TTC17: variants seen among roughly 807,000 people sequenced by gnomAD.
The protein encoded by TTC17 is tetratricopeptide repeat protein 17.
Under a neutral mutation model 143.8 loss-of-function variants are expected in TTC17, and 58 were observed. That is an observed-to-expected ratio of 0.40 (90% CI 0.33 to 0.50). The LOEUF is 0.50. Among genes scored for constraint, TTC17 ranks in the 20% least tolerant of loss-of-function variants. The probability of loss-of-function intolerance (pLI) is 0.49; values close to 1 mark genes in which losing one functional copy is unlikely to be tolerated. For synonymous variants in TTC17, 501 were observed against 497.8 expected (o/e 1.01, Z -0.09); for missense variants, 1,273 against 1,392.5 (o/e 0.91, Z 1.37).
At chr11:43,425,419 G>A (rs1349958007) in intron 16 of TTC17, among the ~76,000 whole-genome samples, 4 of 152,012 alleles carry the variant, frequency 2.6e-5, no homozygotes, top group African/African-American at 9.7e-5. Flanking sequence ...TAAGTGATTT[G>A]TGCCTCAGAA....
chr11:43,362,775 A>G (rs1040707430), intron 1 of TTC17, among the ~76,000 whole-genome samples: 2 of 152,112 alleles, frequency 1.3e-5, no homozygotes, highest in African/African-American at 4.8e-5. Context: ...TGCATTTCAC[A>G]ATCCCTGCCT....
intron 21 of TTC17, among the ~76,000 whole-genome samples, chr11:43,489,316 A>G (rs1307404759): frequency 1.3e-5 from 2 of 152,230 alleles, no homozygotes; most frequent in African/African-American, 4.8e-5. Context: ...CTCATAAGAA[A>G]GGAAATGCAG....
intron 21 of TTC17, among the ~76,000 whole-genome samples, chr11:43,471,069 C>T (rs1232249576): frequency 1.3e-5 from 2 of 152,140 alleles, no homozygotes; most frequent in African/African-American, 4.8e-5. Flanking sequence ...TGGCATTAAC[C>T]AGACTCTATT....
At chr11:43,363,417 A>G (rs777680005) in intron 1 of TTC17, among the ~76,000 whole-genome samples, 1 of 152,216 alleles carries the variant, frequency 6.6e-6, no homozygotes, top group African/African-American at 2.4e-5. Flanking sequence ...GCTAACAGAG[A>G]AACTCTTGAA....
At chr11:43,460,179 A>C (rs1478933095) in intron 21 of TTC17, among the ~76,000 whole-genome samples, 1 of 152,020 alleles carries the variant, frequency 6.6e-6, no homozygotes, top group Non-Finnish European at 1.5e-5. Flanking sequence ...GTAACCCTGC[A>C]AGTCCCAGGT....
chr11:43,400,365 G>T (rs1029226648), intron 9 of TTC17, among the ~76,000 whole-genome samples: 1 of 152,102 alleles, frequency 6.6e-6, no homozygotes, highest in Non-Finnish European at 1.5e-5. Flanking sequence ...GTCTCCTGGA[G>T]ATCTTGTTGA....
At chr11:43,436,307 AG>A in intron 16 of TTC17, 1 of 1,310,764 alleles carries the variant, frequency 7.6e-7, no homozygotes. Flanking sequence ...GAATTCAGGG[AG>A]GGACTCAGAT....
At chr11:43,418,969 CTTTATT>C (rs1946839744) in intron 16 of TTC17, among the ~76,000 whole-genome samples, 5 of 152,174 alleles carry the variant, frequency 3.3e-5, no homozygotes, top group South Asian at 4.1e-4. Context: ...TTCGATTTTA[CTTTATT>C]TTTAATGGTC....
At chr11:43,451,573 A>G (rs1255425447) in intron 21 of TTC17, among the ~76,000 whole-genome samples, 1 of 152,200 alleles carries the variant, frequency 6.6e-6, no homozygotes, top group Non-Finnish European at 1.5e-5. Flanking sequence ...TATATGAAAT[A>G]AGTCAGATAT....
At chr11:43,401,586 T>G (rs1857858678) in intron 10 of TTC17, 28 bp downstream of exon 10, 1 of 1,467,920 alleles carries the variant, frequency 6.8e-7, no homozygotes, top group Non-Finnish European at 9.3e-7. Context: ...GTCTAATTCT[T>G]ATAAACGTTT....
In TTC17 at chr11:43,368,331, G is replaced by A. The variant is rs1234204819; in HGVS notation, c.159+9218G>A. ...AGACTCATATATCCAACTGCCTACT[G>A]AACATCACCATTTAGTTGTCATCAC... On this transcript the variant is annotated intron_variant, in intron 1 of 23. Transcript: ENST00000039989. Among the ~76,000 whole-genome samples, 6 of 152,066 alleles carry A rather than the reference G, an allele frequency of 3.9e-5. 1 individual carries two copies. The highest frequency in any genetic ancestry group is 8.8e-5 in the Non-Finnish European group (6 of 68,024).
chr11:43,359,032 C>A lies in TTC17; in HGVS notation c.78C>A (p.Ser26=). 1 of 1,591,232 alleles carries A rather than the reference C, an allele frequency of 6.3e-7. No individual in the cohort carries two copies. The change falls in exon 1 of 24, where the codon TCC becomes TCA. Residue 26 remains serine, a synonymous_variant. Transcript: ENST00000039989. ...GCCCAGGCTGGCTCCTCAGCCTTTCCGCCTTGCTGAGTGTGGCGGCACGAG... is the reference window on the plus strand; with the variant it reads ...GCCCAGGCTGGCTCCTCAGCCTTTCAGCCTTGCTGAGTGTGGCGGCACGAG... ...CSGPGWLLSL[S]ALLSVAARGA...
intron 15 of TTC17, among the ~76,000 whole-genome samples, chr11:43,412,843 A>G (rs550211331): frequency 2.0e-4 from 31 of 152,332 alleles, no homozygotes; most frequent in Non-Finnish European, 3.5e-4. Context: ...GAGAGAGTCA[A>G]TATTGTTCAG....
At chr11:43,367,704 A>AG (rs928935883) in intron 1 of TTC17, among the ~76,000 whole-genome samples, 3 of 143,894 alleles carry the variant, frequency 2.1e-5, no homozygotes, top group South Asian at 4.7e-4. Flanking sequence ...AGTGAAAACA[A>AG]GGGGAATGTC....
At chr11:43,436,820 A>G (rs940881913) in intron 16 of TTC17, among the ~76,000 whole-genome samples, 3 of 152,200 alleles carry the variant, frequency 2.0e-5, no homozygotes, top group South Asian at 4.1e-4. Flanking sequence ...ATCTGGAACC[A>G]TGCATAACTC....
chr11:43,445,980 G>A (rs1037684503), intron 18 of TTC17: 5 of 1,526,404 alleles, frequency 3.3e-6, no homozygotes, highest in Admixed American at 2.0e-5. Flanking sequence ...AATGTAACTG[G>A]ATTTCAGCAA....
chr11:43,400,948 C>T (rs945938025), intron 9 of TTC17, among the ~76,000 whole-genome samples: 2 of 152,216 alleles, frequency 1.3e-5, no homozygotes, highest in African/African-American at 2.4e-5. Context: ...TAACCTTTGG[C>T]ACTTAGCTGT....
chr11:43,467,360 C>T (rs1371989962), intron 21 of TTC17, among the ~76,000 whole-genome samples: 1 of 152,180 alleles, frequency 6.6e-6, no homozygotes, highest in Non-Finnish European at 1.5e-5. Context: ...AATTCCAACA[C>T]ATGCTACAAC....
chr11:43,412,293 G>C (rs1313106270), intron 15 of TTC17, among the ~76,000 whole-genome samples: 1 of 151,972 alleles, frequency 6.6e-6, no homozygotes, highest in Admixed American at 6.6e-5. Flanking sequence ...GTACCAGCCT[G>C]GGCAACACAA....
Sources: allele counts gnomAD v4.1 joint callset (sites outside exome capture counted in the v4.1 genomes callset), GRCh38; gene constraint gnomAD v4.1.1; transcripts MANE v1.5; gene names NCBI Gene and HGNC (gene_info 2026-07-23, HGNC 2026-07-21).